Variants in CSTPP1 observed in about 807,000 individuals in gnomAD.
The protein encoded by CSTPP1 is centriolar satellite-associated tubulin polyglutamylase complex regulator 1, also known as UPF0705 protein C11orf49.
the CSTPP1 span, chr11:47,052,539 T>TTTCCTTCCTTCC: frequency 3.7e-6 from 6 of 1,607,974 alleles, no homozygotes; most frequent in African/African-American, 5.4e-5. Flanking sequence ...CCAAATTCTT[T>TTTCCTTCCTTCC]TTCCTTCCTT....
chr11:46,953,060 G>A, the CSTPP1 span, among the ~76,000 whole-genome samples: 10 of 152,122 alleles, frequency 6.6e-5, no homozygotes, highest in Non-Finnish European at 1.5e-4. Context: ...GGGGACGTGG[G>A]GGTGGAGAGT....
At chr11:46,994,737 C>G in the CSTPP1 span, among the ~76,000 whole-genome samples, 2 of 152,124 alleles carry the variant, frequency 1.3e-5, no homozygotes, top group African/African-American at 4.8e-5. Flanking sequence ...CTAAAATTCT[C>G]TTTTTTTGTT....
At chr11:47,099,912 C>T in the CSTPP1 span, among the ~76,000 whole-genome samples, 9 of 152,266 alleles carry the variant, frequency 5.9e-5, no homozygotes, top group South Asian at 2.1e-4. Context: ...TGACAGTTGC[C>T]GCAAGCAGTA....
At chr11:47,125,372 C>T in the CSTPP1 span, among the ~76,000 whole-genome samples, 1 of 152,130 alleles carries the variant, frequency 6.6e-6, no homozygotes. Context: ...TGGCCACCAC[C>T]CTCCCCTGCT....
At chr11:46,983,206 T>G in the CSTPP1 span, among the ~76,000 whole-genome samples, 1 of 152,206 alleles carries the variant, frequency 6.6e-6, no homozygotes, top group African/African-American at 2.4e-5. Flanking sequence ...ATAGCAGGAT[T>G]GACAGTGTTA....
the CSTPP1 span, among the ~76,000 whole-genome samples, chr11:47,092,354 C>T: frequency 2.6e-5 from 4 of 152,198 alleles, no homozygotes; most frequent in African/African-American, 9.6e-5. Context: ...TCCACCATAA[C>T]GAGAGTCACA....
At chr11:47,148,223 A>G in the CSTPP1 span, among the ~76,000 whole-genome samples, 1 of 152,288 alleles carries the variant, frequency 6.6e-6, no homozygotes, top group East Asian at 1.9e-4. Flanking sequence ...TGGCCCTGAC[A>G]TTCAAACAAA....
the CSTPP1 span, among the ~76,000 whole-genome samples, chr11:47,140,722 G>A: frequency 6.7e-6 from 1 of 149,686 alleles, no homozygotes; most frequent in Non-Finnish European, 1.5e-5. Context: ...TTACAGGCAT[G>A]AGCCACCACA....
the CSTPP1 span, among the ~76,000 whole-genome samples, chr11:46,960,804 A>G: frequency 6.6e-6 from 1 of 152,156 alleles, no homozygotes; most frequent in African/African-American, 2.4e-5. Flanking sequence ...GTGAGCCAAG[A>G]TCGTGCCACT....
the CSTPP1 span, among the ~76,000 whole-genome samples, chr11:47,023,008 G>A: frequency 1.3e-5 from 2 of 152,162 alleles, no homozygotes; most frequent in Non-Finnish European, 2.9e-5. Flanking sequence ...TAGGGATCTT[G>A]TTAAAATGCA....
chr11:47,155,052 G>A, the CSTPP1 span: 7 of 822,538 alleles, frequency 8.5e-6, no homozygotes, highest in East Asian at 4.9e-5. Flanking sequence ...GGAGACTGGC[G>A]GCCCAGGAAC....
the CSTPP1 span, among the ~76,000 whole-genome samples, chr11:47,116,569 G>A: frequency 9.3e-5 from 14 of 150,936 alleles, no homozygotes; most frequent in East Asian, 1.2e-3. Flanking sequence ...TTACCATTAT[G>A]TAATGGCCTT....
chr11:47,146,017 G>A, the CSTPP1 span, among the ~76,000 whole-genome samples: 1 of 151,986 alleles, frequency 6.6e-6, no homozygotes, highest in African/African-American at 2.4e-5. Context: ...CCAAGTAGCT[G>A]GGACTACAGG....
At chr11:47,109,123 TC>T in the CSTPP1 span, 1 of 152,160 alleles carries the variant, frequency 6.6e-6, no homozygotes. Context: ...GACTTTGGCT[TC>T]TTTCACTGAA....
the CSTPP1 span, among the ~76,000 whole-genome samples, chr11:46,986,226 T>G: frequency 6.6e-6 from 1 of 152,208 alleles, no homozygotes; most frequent in Non-Finnish European, 1.5e-5. Context: ...AACTCAGGTC[T>G]GTCTCACTCT....
At chr11:47,153,719 G>A in the CSTPP1 span, among the ~76,000 whole-genome samples, 1 of 152,176 alleles carries the variant, frequency 6.6e-6, no homozygotes, top group Non-Finnish European at 1.5e-5. Context: ...TGCTTCTATT[G>A]TTATCTGTAT....
the CSTPP1 span, among the ~76,000 whole-genome samples, chr11:47,121,054 A>G: frequency 1.3e-5 from 2 of 152,208 alleles, no homozygotes; most frequent in African/African-American, 4.8e-5. Context: ...TAACTCCTCT[A>G]GGCATCTAAG....
the CSTPP1 span, among the ~76,000 whole-genome samples, chr11:47,101,194 T>A: frequency 4.1e-5 from 5 of 122,658 alleles, no homozygotes; most frequent in South Asian, 1.1e-3. Flanking sequence ...TTTTTTATTT[T>A]ATTTTTAGTA....
the CSTPP1 span, among the ~76,000 whole-genome samples, chr11:47,019,985 T>C: frequency 1.3e-5 from 2 of 152,256 alleles, no homozygotes; most frequent in South Asian, 4.1e-4. Flanking sequence ...ATATATATTT[T>C]AAGATTATTA....
Sources: allele counts gnomAD v4.1 joint callset (sites outside exome capture counted in the v4.1 genomes callset), GRCh38; gene constraint gnomAD v4.1.1; transcripts MANE v1.5; gene names NCBI Gene and HGNC (gene_info 2026-07-23, HGNC 2026-07-21).